Variants in TBC1D22A observed in about 807,000 individuals in gnomAD.
TBC1D22A encodes the protein putative GTPase activator.
In TBC1D22A, 38 loss-of-function variants were observed where a neutral mutation model predicts 60.2. That is an observed-to-expected ratio of 0.63 (90% CI 0.49 to 0.83). The LOEUF is 0.83. Ranked by LOEUF, TBC1D22A falls within the 40% of genes least tolerant of loss-of-function variation. The pLI is 0.00. For missense variants in TBC1D22A, 628 were observed against 701.0 expected (o/e 0.90, Z 1.18); for synonymous variants, 302 against 281.7 (o/e 1.07, Z -0.72).
chr22:47,103,748 G>T (rs1172240226), intron 11 of TBC1D22A, among the ~76,000 whole-genome samples: 1 of 151,988 alleles, frequency 6.6e-6, no homozygotes, highest in Non-Finnish European at 1.5e-5. Context: ...GTTTTAATGG[G>T]TATTGAGGAC....
intron 8 of TBC1D22A, among the ~76,000 whole-genome samples, chr22:46,947,389 C>T (rs929567803): frequency 2.6e-5 from 4 of 152,134 alleles, no homozygotes; most frequent in East Asian, 1.9e-4. Context: ...ACATGGGGCT[C>T]AGTGACTTAG....
At chr22:47,003,396 CACACACATGCCTGT>C (rs2061458472) in intron 10 of TBC1D22A, among the ~76,000 whole-genome samples, 1 of 151,088 alleles carries the variant, frequency 6.6e-6, no homozygotes, top group Non-Finnish European at 1.5e-5. Flanking sequence ...ACACACCCTA[CACACACATGCCTGT>C]ACACACATAC....
chr22:46,839,625 C>T (rs181717133), intron 4 of TBC1D22A, among the ~76,000 whole-genome samples: 45 of 152,206 alleles, frequency 3.0e-4, no homozygotes, highest in African/African-American at 1.0e-3. Flanking sequence ...CACAAAATAT[C>T]CCAAATAGCC....
intron 8 of TBC1D22A, among the ~76,000 whole-genome samples, chr22:46,919,893 C>G (rs2070637770): frequency 6.6e-6 from 1 of 152,120 alleles, no homozygotes; most frequent in Non-Finnish European, 1.5e-5. Context: ...GCTGTTTTCC[C>G]CATAGCCCAG....
chr22:46,793,265 G>A (rs988394752), intron 2 of TBC1D22A, among the ~76,000 whole-genome samples: 11 of 152,166 alleles, frequency 7.2e-5, no homozygotes, highest in South Asian at 4.1e-4. Flanking sequence ...GTGGCCCTGC[G>A]CCTCCTCCCA....
At chr22:47,045,677 G>C (rs921331721) in intron 11 of TBC1D22A, among the ~76,000 whole-genome samples, 1 of 152,150 alleles carries the variant, frequency 6.6e-6, no homozygotes, top group Non-Finnish European at 1.5e-5. Flanking sequence ...CCCTTACTGA[G>C]GCCCTACTGT....
intron 4 of TBC1D22A, among the ~76,000 whole-genome samples, chr22:46,845,042 C>T (rs529451424): frequency 2.6e-5 from 4 of 152,278 alleles, no homozygotes; most frequent in Admixed American, 1.3e-4. Flanking sequence ...CATACCCTGG[C>T]GTCCAGTGAC....
chr22:46,766,003 G>A (rs1044973137), intron 1 of TBC1D22A, among the ~76,000 whole-genome samples: 31 of 64,100 alleles, frequency 4.8e-4, no homozygotes, highest in Admixed American at 2.1e-3. Context: ...GTGTGTGTGT[G>A]TGTATTTTTT....
intron 1 of TBC1D22A, among the ~76,000 whole-genome samples, chr22:46,781,493 C>T (rs1332411241): frequency 6.6e-6 from 1 of 152,134 alleles, no homozygotes; most frequent in Non-Finnish European, 1.5e-5. Flanking sequence ...TCGTGTTAGA[C>T]CTTAGTTTAC....
At chr22:47,163,205 T>C (rs1182297335) in intron 12 of TBC1D22A, among the ~76,000 whole-genome samples, 1 of 149,620 alleles carries the variant, frequency 6.7e-6, no homozygotes. Context: ...AGGAGGACCA[T>C]GGCCATCGAA....
At chr22:46,928,246 G>T (rs5769263) in intron 8 of TBC1D22A, among the ~76,000 whole-genome samples, 1 of 152,210 alleles carries the variant, frequency 6.6e-6, no homozygotes, top group Non-Finnish European at 1.5e-5. Context: ...CAGTGGAGTA[G>T]AATTGAGAGG....
At chr22:46,998,769 A>G (rs528225469) in intron 10 of TBC1D22A, among the ~76,000 whole-genome samples, 3 of 152,350 alleles carry the variant, frequency 2.0e-5, no homozygotes, top group Non-Finnish European at 4.4e-5. Flanking sequence ...CCATATTATG[A>G]AGTTGTCTGC....
chr22:46,992,845 G>C (rs926082923), intron 9 of TBC1D22A, among the ~76,000 whole-genome samples: 1 of 124,078 alleles, frequency 8.1e-6, no homozygotes, highest in African/African-American at 4.0e-5. Context: ...CCGAGAGGAT[G>C]TGGAAGGGAG....
At chr22:47,017,056 G>T (rs1197958546) in intron 10 of TBC1D22A, among the ~76,000 whole-genome samples, 1 of 152,250 alleles carries the variant, frequency 6.6e-6, no homozygotes, top group Non-Finnish European at 1.5e-5. Context: ...TTCTGGCCGT[G>T]AGGAAAAGCT....
intron 8 of TBC1D22A, among the ~76,000 whole-genome samples, chr22:46,960,790 A>G (rs1439834871): frequency 6.6e-6 from 1 of 152,016 alleles, no homozygotes; most frequent in Non-Finnish European, 1.5e-5. Flanking sequence ...ACTAAAAAAT[A>G]CAAAAAATTA....
intron 8 of TBC1D22A, among the ~76,000 whole-genome samples, chr22:46,928,253 G>C (rs1189574971): frequency 6.6e-6 from 1 of 152,204 alleles, no homozygotes; most frequent in Admixed American, 6.5e-5. Flanking sequence ...GTAGAATTGA[G>C]AGGCCAAAGA....
At chr22:47,121,373 T>C (rs535411113) in intron 12 of TBC1D22A, among the ~76,000 whole-genome samples, 2 of 152,302 alleles carry the variant, frequency 1.3e-5, no homozygotes, top group South Asian at 2.1e-4. Context: ...TTTATAATTA[T>C]GGAAAAACAA....
chr22:46,829,703 G>A (rs928075676), intron 4 of TBC1D22A, among the ~76,000 whole-genome samples: 1 of 152,202 alleles, frequency 6.6e-6, no homozygotes, highest in Non-Finnish European at 1.5e-5. Context: ...TCCCGATGGG[G>A]CCAGCGGCGT....
intron 8 of TBC1D22A, among the ~76,000 whole-genome samples, chr22:46,957,855 G>A (rs898475289): frequency 2.0e-5 from 3 of 152,232 alleles, no homozygotes; most frequent in Non-Finnish European, 4.4e-5. Context: ...CCATCAAACA[G>A]TGTGCATGGA....
Sources: gnomAD v4.1 joint callset for allele counts (sites outside exome capture counted in the v4.1 genomes callset) on GRCh38, gnomAD v4.1.1 for gene constraint, MANE v1.5 for transcripts, NCBI Gene and HGNC (gene_info 2026-07-23, HGNC 2026-07-21) for gene names.